Variants in TAF4B observed in about 807,000 individuals in gnomAD.
The protein encoded by TAF4B is transcription initiation factor TFIID subunit 4B.
TAF4B carries 38 observed loss-of-function variants against 86.4 expected under a neutral mutation model. The observed-to-expected ratio is 0.44, with a 90% CI of 0.34 to 0.58. The LOEUF (loss-of-function observed/expected upper bound fraction) is 0.58, where lower values mean the gene tolerates loss of function less well. Among genes scored for constraint, TAF4B ranks in the 20% least tolerant of loss-of-function variants. The pLI is 0.02. For synonymous variants in TAF4B, 388 were observed against 391.2 expected (o/e 0.99, Z 0.10); for missense variants, 988 against 1,027.6 (o/e 0.96, Z 0.53).
At chr18:26,304,661 T>C in intron 9 of TAF4B, 1 of 943,586 alleles carries the variant, frequency 1.1e-6, no homozygotes, top group Non-Finnish European at 1.3e-6. Flanking sequence ...AGATACACTT[T>C]TCCCATTGTA....
chr18:26,285,225 T>TTTG (rs1450173583), intron 6 of TAF4B, among the ~76,000 whole-genome samples: 1 of 125,146 alleles, frequency 8.0e-6, no homozygotes, highest in Non-Finnish European at 1.8e-5. Context: ...TTTTTTTGTT[T>TTTG]TTTTTTTTTT....
At chr18:26,377,285 A>G (rs2057449065) in intron 14 of TAF4B, among the ~76,000 whole-genome samples, 1 of 152,176 alleles carries the variant, frequency 6.6e-6, no homozygotes, top group Non-Finnish European at 1.5e-5. Context: ...ATAGATTTCA[A>G]TAGTGAAGCC....
chr18:26,330,934 G>A (rs1433199335), intron 12 of TAF4B, among the ~76,000 whole-genome samples: 1 of 152,114 alleles, frequency 6.6e-6, no homozygotes, highest in Non-Finnish European at 1.5e-5. Flanking sequence ...CATTGTCTGT[G>A]TAATTGGCCA....
At chr18:26,255,552 A>G in intron 1 of TAF4B, 1 of 546,388 alleles carries the variant, frequency 1.8e-6, no homozygotes, top group Non-Finnish European at 3.2e-6. Context: ...CAGTGAGCCA[A>G]GATCACGCCA....
rs1473319393 is a variant in TAF4B at position 26,390,732 on chromosome 18, G to A, written c.*720G>A. On this transcript the variant is annotated 3_prime_UTR_variant, in exon 15 of 15. Transcript: ENST00000269142. The stretch of plus-strand genomic sequence containing the variant: ...AAAGTATTAGAAGGAACGTTAGGGC[G>A]TTGCTTTCAAACTGATGAGGGGAAT... The A allele has an allele frequency of 1.3e-5, 2 of 152,118 alleles. No homozygotes were observed. The highest frequency in any genetic ancestry group is 2.9e-5 in the Non-Finnish European group (2 of 68,010). The allele number at this position is 152,118 out of a possible 1,614,324, so 9.4% of individuals were successfully genotyped here. A position where few individuals can be genotyped will look rare whatever the true frequency, so the allele number is the denominator to read the frequency against.
At chr18:26,361,003 G>C (rs1243150436) in intron 14 of TAF4B, among the ~76,000 whole-genome samples, 1 of 151,894 alleles carries the variant, frequency 6.6e-6, no homozygotes, top group Non-Finnish European at 1.5e-5. Flanking sequence ...ACTATATTGG[G>C]CAGCACTGCA....
chr18:26,286,589 G>C (rs2056526482), intron 7 of TAF4B, 90 bp downstream of exon 7: 3 of 1,369,232 alleles, frequency 2.2e-6, no homozygotes, highest in Admixed American at 4.7e-5. Flanking sequence ...AACTAGTAAG[G>C]CTATATACTG....
intron 13 of TAF4B, among the ~76,000 whole-genome samples, chr18:26,356,649 C>G (rs1397836376): frequency 6.6e-6 from 1 of 152,062 alleles, no homozygotes; most frequent in Non-Finnish European, 1.5e-5. Context: ...GACTGTCAAC[C>G]AGCCCCAGAT....
At chr18:26,230,121 CAT>C (rs1568088814) in intron 1 of TAF4B, among the ~76,000 whole-genome samples, 1 of 152,094 alleles carries the variant, frequency 6.6e-6, no homozygotes, top group African/African-American at 2.4e-5. Flanking sequence ...CTTTTGTGAA[CAT>C]GTGGGGTTTT....
intron 1 of TAF4B, among the ~76,000 whole-genome samples, chr18:26,236,843 C>G (rs2055755430): frequency 6.6e-6 from 1 of 152,138 alleles, no homozygotes; most frequent in African/African-American, 2.4e-5. Context: ...CCAGGGCTCA[C>G]TTTTAGAGCT....
intron 9 of TAF4B, among the ~76,000 whole-genome samples, chr18:26,297,514 C>T (rs779488904): frequency 1.1e-4 from 16 of 152,172 alleles, no homozygotes; most frequent in East Asian, 1.9e-4. Context: ...TGCTTTCCCC[C>T]TGGCTTCTCT....
At chr18:26,238,439 G>C (rs1446145468) in intron 1 of TAF4B, among the ~76,000 whole-genome samples, 1 of 152,016 alleles carries the variant, frequency 6.6e-6, no homozygotes, top group Non-Finnish European at 1.5e-5. Flanking sequence ...AGTCTGAGGA[G>C]GGATCCTAAA....
At chr18:26,371,970 AGACACTGG>A (rs574677016) in intron 14 of TAF4B, among the ~76,000 whole-genome samples, 5 of 152,282 alleles carry the variant, frequency 3.3e-5, no homozygotes, top group African/African-American at 9.6e-5. Context: ...AGGGATTGGT[AGACACTGG>A]GGCTCAATGT....
intron 12 of TAF4B, among the ~76,000 whole-genome samples, chr18:26,331,554 C>G (rs1208331596): frequency 6.6e-6 from 1 of 152,144 alleles, no homozygotes; most frequent in African/African-American, 2.4e-5. Flanking sequence ...CCTCTCCCCT[C>G]TAAATACCTT....
chr18:26,312,926 C>T (rs2056867255), intron 9 of TAF4B, among the ~76,000 whole-genome samples: 2 of 152,088 alleles, frequency 1.3e-5, no homozygotes, highest in Non-Finnish European at 2.9e-5. Flanking sequence ...TTTGATTGGG[C>T]AATCCATATA....
rs1220510734 is a variant in TAF4B at position 26,389,944 on chromosome 18, A to G, written c.2521A>G (p.Ile841Val). 5.6e-6 allele frequency: 9 copies of G among 1,614,140 alleles called. No homozygotes were observed. The highest frequency in any genetic ancestry group is 7.6e-6 in the Non-Finnish European group (9 of 1,180,002). ...RITRICLRDL[I>V]FCMEQEREMK... ...CACGAGAATCTGCCTCAGGGACTTG[A>G]TATTTTGTATGGAACAGGAACGGGA... Residue 841 changes from isoleucine (I) to valine (V), a missense_variant, in exon 15 of 15, where the codon ATA becomes GTA. This residue lies in a region of TAF4B where 216 missense variants were observed against 238.4 expected (regional missense o/e 0.91). Transcript: ENST00000269142.
intron 1 of TAF4B, among the ~76,000 whole-genome samples, chr18:26,229,630 G>A (rs990654719): frequency 3.3e-5 from 5 of 151,632 alleles, no homozygotes; most frequent in Non-Finnish European, 7.4e-5. Flanking sequence ...AGCCTCCCGA[G>A]TAGCTGGGAT....
At chr18:26,231,034 C>CTTTTTTTTTTTTTTTTTTTTT (rs536863843) in intron 1 of TAF4B, among the ~76,000 whole-genome samples, 2 of 66,164 alleles carry the variant, frequency 3.0e-5, no homozygotes, top group Non-Finnish European at 5.6e-5. Flanking sequence ...TGTTGTTTTG[C>CTTTTTTTTTTTTTTTTTTTTT]TTTTTTTTTT....
chr18:26,232,514 C>CCT (rs1286470143), intron 1 of TAF4B, among the ~76,000 whole-genome samples: 1 of 152,070 alleles, frequency 6.6e-6, no homozygotes, highest in Non-Finnish European at 1.5e-5. Context: ...GGCCTGAAGG[C>CCT]GAGTAATAGC....
Sources: gnomAD v4.1 joint callset for allele counts (sites outside exome capture counted in the v4.1 genomes callset) on GRCh38, gnomAD v4.1.1 for gene constraint, gnomAD v4.1.1 regional missense constraint, MANE v1.5 for transcripts, NCBI Gene and HGNC (gene_info 2026-07-23, HGNC 2026-07-21) for gene names.